The following GPC5 variants were observed in gnomAD, a reference collection of about 807,000 sequenced individuals.
The protein encoded by GPC5 is glypican-5.
A neutral mutation model predicts 53.9 loss-of-function variants in GPC5; 47 were observed. The observed-to-expected ratio is 0.87, with a 90% CI of 0.69 to 1.11. The LOEUF is 1.11. Among genes scored for constraint, GPC5 ranks in the 50% most tolerant of loss-of-function variants. The pLI is 0.00. For synonymous variants in GPC5, 286 were observed against 263.3 expected, an observed-to-expected ratio of 1.09 and a Z score of -0.84; for missense variants, 748 against 713.1, an observed-to-expected ratio of 1.05 and a Z score of -0.56.
chr13:92,385,329 C>CAT (rs1230927391), intron 7 of GPC5, among the ~76,000 whole-genome samples: 4 of 131,076 alleles, frequency 3.1e-5, no homozygotes, highest in African/African-American at 8.9e-5. Context: ...TACATATATA[C>CAT]ATATATACAT....
In GPC5 at chr13:91,408,970, A is replaced by C. The variant is rs144715809; in HGVS notation, c.163+9761A>C. Reference sequence around the variant, plus strand: ...GAGAAGAGAATTGGTTAAAAAGCACACCAAGAGTGTGTCTTCATTGATTAA... The same window carrying C: ...GAGAAGAGAATTGGTTAAAAAGCACCCCAAGAGTGTGTCTTCATTGATTAA... On this transcript the variant is annotated intron_variant, in intron 1 of 7. Transcript: ENST00000377067. Among the ~76,000 whole-genome samples, 573 of 152,344 alleles carry C rather than the reference A, an allele frequency of 3.8e-3. 8 individuals are homozygous for C. Among genetic ancestry groups the C allele is most frequent in the African/African-American group, 0.013 (540 of 41,590 alleles).
At chr13:92,852,347 A>T (rs1053339493) in intron 7 of GPC5, among the ~76,000 whole-genome samples, 1 of 152,162 alleles carries the variant, frequency 6.6e-6, no homozygotes, top group Non-Finnish European at 1.5e-5. Context: ...CACAGCAAAC[A>T]ACCAAAAGGG....
At chr13:92,465,246 G>A (rs989753510) in intron 7 of GPC5, among the ~76,000 whole-genome samples, 11 of 151,936 alleles carry the variant, frequency 7.2e-5, no homozygotes, top group Admixed American at 2.0e-4. Context: ...AATTTTTATA[G>A]CATACAATTT....
intron 6 of GPC5, among the ~76,000 whole-genome samples, chr13:92,002,405 A>C (rs2040563680): frequency 6.6e-6 from 1 of 152,206 alleles, no homozygotes; most frequent in East Asian, 1.9e-4. Flanking sequence ...TTACACCAAA[A>C]CTGAGACAAG....
At chr13:92,373,667 T>A (rs1166169047) in intron 7 of GPC5, among the ~76,000 whole-genome samples, 4 of 152,186 alleles carry the variant, frequency 2.6e-5, no homozygotes, top group Non-Finnish European at 4.4e-5. Flanking sequence ...GTTGAACATA[T>A]CTCATGGAAA....
intron 2 of GPC5, among the ~76,000 whole-genome samples, chr13:91,523,294 A>G (rs1477585026): frequency 6.6e-6 from 1 of 152,214 alleles, no homozygotes; most frequent in African/African-American, 2.4e-5. Flanking sequence ...TTGCAATACC[A>G]TGTTCATTGC....
rs80220060 is a variant in GPC5, at chr13:91,817,005, A to T, written c.1280+60585A>T. On this transcript the variant is annotated intron_variant, in intron 5 of 7. Coordinates refer to ENST00000377067, the MANE Select transcript of GPC5 (RefSeq NM_004466.6). ...TTCTCTTTTTCCATCTCTCCAGTAT[A>T]AAAAATGTTTGTTCTGGAAGTCTAT... 1.7e-3 allele frequency among the ~76,000 whole-genome samples: 265 copies of T among 152,328 alleles called. 2 individuals carry two copies. Among genetic ancestry groups the T allele is most frequent in the African/African-American group, 6.0e-3 (249 of 41,576 alleles).
At chr13:91,483,254 C>T (rs1314752379) in intron 2 of GPC5, among the ~76,000 whole-genome samples, 1 of 152,174 alleles carries the variant, frequency 6.6e-6, no homozygotes, top group Admixed American at 6.5e-5. Context: ...ATATAAGAGG[C>T]TCCAGGTCTG....
At chr13:92,654,940 G>A (rs1240845999) in intron 7 of GPC5, among the ~76,000 whole-genome samples, 1 of 152,286 alleles carries the variant, frequency 6.6e-6, no homozygotes, top group East Asian at 1.9e-4. Context: ...GAAATTTGGA[G>A]ACAGACACAG....
chr13:92,790,815 G>C (rs1462362940), intron 7 of GPC5, among the ~76,000 whole-genome samples: 1 of 152,010 alleles, frequency 6.6e-6, no homozygotes, highest in Non-Finnish European at 1.5e-5. Flanking sequence ...TTGAGAAGCT[G>C]ATTTGATTCT....
At position 92,431,662 on chromosome 13, in the gene GPC5, C is replaced by T. The variant is rs139978370; in HGVS notation, c.1561+286673C>T. ...GTGAGGAGGAGAGCTTGTGGGAAAGCCATCGGAGAGGTTTAGCAGAGGAAT... is the reference window on the plus strand; with the variant it reads ...GTGAGGAGGAGAGCTTGTGGGAAAGTCATCGGAGAGGTTTAGCAGAGGAAT... On this transcript the variant is annotated intron_variant, in intron 7 of 7. Transcript: ENST00000377067. Among the ~76,000 whole-genome samples, 202 of 152,016 alleles carry T rather than the reference C, an allele frequency of 1.3e-3. 1 individual carries two copies. The highest frequency in any genetic ancestry group is 4.5e-3 in the African/African-American group (186 of 41,480).
intron 7 of GPC5, among the ~76,000 whole-genome samples, chr13:92,281,233 T>C (rs1190316445): frequency 1.3e-5 from 2 of 152,130 alleles, no homozygotes; most frequent in Non-Finnish European, 2.9e-5. Context: ...CTTCAGTAGG[T>C]AAACAGAGCA....
At chr13:91,952,437 A>G (rs2040035666) in intron 6 of GPC5, among the ~76,000 whole-genome samples, 1 of 152,196 alleles carries the variant, frequency 6.6e-6, no homozygotes, top group Non-Finnish European at 1.5e-5. Flanking sequence ...TGTGCTTTGC[A>G]TATCAAATCA....
chr13:92,315,763 T>G, intron 7 of GPC5, among the ~76,000 whole-genome samples: 1 of 151,842 alleles, frequency 6.6e-6, no homozygotes. Flanking sequence ...ATAAGGACTC[T>G]TTTCAAACTA....
chr13:92,248,541 G>C (rs1255525632), intron 7 of GPC5, among the ~76,000 whole-genome samples: 1 of 152,020 alleles, frequency 6.6e-6, no homozygotes, highest in Non-Finnish European at 1.5e-5. Flanking sequence ...TCTTACATTG[G>C]GTTGTAGTAG....
At chr13:92,505,554 T>A (rs1286628633) in intron 7 of GPC5, among the ~76,000 whole-genome samples, 3 of 152,056 alleles carry the variant, frequency 2.0e-5, no homozygotes, top group African/African-American at 7.2e-5. Flanking sequence ...TGGTTGGTAG[T>A]TTCATGTTAA....
intron 6 of GPC5, among the ~76,000 whole-genome samples, chr13:92,081,301 C>T (rs1041537479): frequency 9.9e-5 from 15 of 152,024 alleles, no homozygotes; most frequent in African/African-American, 3.6e-4. Context: ...GGGGCTTCAC[C>T]ATGTTGGCCA....
chr13:92,736,167 T>C (rs977325539), intron 7 of GPC5, among the ~76,000 whole-genome samples: 1 of 152,050 alleles, frequency 6.6e-6, no homozygotes, highest in Admixed American at 6.6e-5. Context: ...TGTCTTTGTT[T>C]ACTTCTATGC....
intron 6 of GPC5, among the ~76,000 whole-genome samples, chr13:91,961,146 A>C (rs1268375060): frequency 6.6e-6 from 1 of 152,014 alleles, no homozygotes; most frequent in African/African-American, 2.4e-5. Context: ...CCAACTATTG[A>C]TCTGACAAGT....
Sources: allele counts gnomAD v4.1 joint callset (sites outside exome capture counted in the v4.1 genomes callset), GRCh38; gene constraint gnomAD v4.1.1; transcripts MANE v1.5; gene names NCBI Gene and HGNC (gene_info 2026-07-23, HGNC 2026-07-21).